AP4E1: variants seen among roughly 807,000 people sequenced by gnomAD.
The protein encoded by AP4E1 is AP-4 complex subunit epsilon-1.
Under a neutral mutation model 128.2 loss-of-function variants are expected in AP4E1, and 56 were observed. The ratio of observed to expected loss-of-function variants is 0.44; its 90% CI spans 0.35 to 0.55. The LOEUF is 0.55. Among genes scored for constraint, AP4E1 ranks in the 20% least tolerant of loss-of-function variants. AP4E1 has a pLI of 0.00. For missense variants in AP4E1, 1,324 were observed against 1,307.7 expected (o/e 1.01, Z -0.19); for synonymous variants, 484 against 473.1 (o/e 1.02, Z -0.30).
intron 6 of AP4E1, 116 bp from the exon 7 acceptor site, chr15:50,930,689 A>G: frequency 9.6e-7 from 1 of 1,043,362 alleles, no homozygotes; most frequent in Non-Finnish European, 1.5e-6. Context: ...CTGTTTCATT[A>G]AATGTGAACA....
intron 7 of AP4E1, among the ~76,000 whole-genome samples, chr15:50,932,398 A>T (rs544086124): frequency 5.9e-5 from 9 of 152,108 alleles, no homozygotes; most frequent in Non-Finnish European, 1.0e-4. Context: ...TATCATTCTC[A>T]TTCTCTGTGT....
chr15:50,981,906 A>G lies in AP4E1; in HGVS notation c.1967-2116A>G, dbSNP rs574099130. ...TTCGAGACCAGCCTGACCAACATGGAGAAACCACGTCTCTACTAAAAATAC... is the reference window on the plus strand; with the variant it reads ...TTCGAGACCAGCCTGACCAACATGGGGAAACCACGTCTCTACTAAAAATAC... On this transcript the variant is annotated intron_variant, in intron 15 of 20. Coordinates refer to ENST00000261842, the MANE Select transcript of AP4E1 (RefSeq NM_007347.5). 9.2e-5 allele frequency among the ~76,000 whole-genome samples: 14 copies of G among 152,058 alleles called. No individual in the cohort carries two copies. The East Asian group carries it at 2.5e-3, about 27-fold the overall frequency.
intron 14 of AP4E1, among the ~76,000 whole-genome samples, chr15:50,963,007 A>G (rs1213349111): frequency 6.6e-6 from 1 of 151,992 alleles, no homozygotes. Flanking sequence ...AATGCTCAAC[A>G]TTGCTAATCA....
In AP4E1 at chr15:50,924,908, TCTA is replaced by T. The variant is rs1207410895; in HGVS notation, c.421-187_421-185del. Among the ~76,000 whole-genome samples, 9 of 152,316 alleles carry T rather than the reference TCTA, an allele frequency of 5.9e-5. No individual in the cohort carries two copies. In the East Asian group the frequency reaches 1.7e-3, roughly 29 times the overall value. On this transcript the variant is annotated intron_variant, in intron 4 of 20. Transcript: ENST00000261842. ...ATCAGTTGCTTTTTGGCTTTATTTG[TCTA>T]CTGACTCTATTAAGGCAAATGAAAC...
chr15:50,962,402 A>C (rs1375454303), intron 14 of AP4E1, among the ~76,000 whole-genome samples: 1 of 152,132 alleles, frequency 6.6e-6, no homozygotes, highest in East Asian at 1.9e-4. Flanking sequence ...TATTGGTATA[A>C]AGAAAGACAT....
intron 1 of AP4E1, among the ~76,000 whole-genome samples, chr15:50,910,421 A>G (rs1172587743): frequency 6.6e-6 from 1 of 152,258 alleles, no homozygotes; most frequent in African/African-American, 2.4e-5. Flanking sequence ...TGTGTTAGAC[A>G]CAGGAAAATA....
intron 13 of AP4E1, among the ~76,000 whole-genome samples, chr15:50,953,205 A>T (rs1171975345): frequency 6.6e-6 from 1 of 152,258 alleles, no homozygotes; most frequent in East Asian, 1.9e-4. Context: ...AGTGTTGATT[A>T]TCCTTCCTGA....
rs1351241029 is a variant in AP4E1 at position 51,003,047 on chromosome 15, GGA to G, written c.*388_*389del. The G allele has an allele frequency of 2.3e-5, 5 of 215,096 alleles. No individual in the cohort carries two copies. The highest frequency in any genetic ancestry group is 1.2e-4 in the African/African-American group (5 of 42,536). 13.3% of individuals were successfully genotyped at this position (215,096 alleles called of 1,614,324 possible). On this transcript the variant is annotated 3_prime_UTR_variant, in exon 21 of 21. Coordinates refer to ENST00000261842, the MANE Select transcript of AP4E1 (RefSeq NM_007347.5). Reference sequence around the variant, plus strand: ...CTCAGTTTTCTGCATTAAATGGAAGGGAGACATGAAATTGATAATCTCAAACT... The same window carrying G: ...CTCAGTTTTCTGCATTAAATGGAAGGGACATGAAATTGATAATCTCAAACT...
intron 20 of AP4E1, among the ~76,000 whole-genome samples, chr15:51,002,192 C>A (rs1258260976): frequency 4.6e-5 from 7 of 152,062 alleles, no homozygotes; most frequent in Non-Finnish European, 1.0e-4. Context: ...AGATTTAATT[C>A]TTTGAGAAAC....
At chr15:50,968,826 A>T (rs547672500) in intron 15 of AP4E1, among the ~76,000 whole-genome samples, 15 of 138,766 alleles carry the variant, frequency 1.1e-4, no homozygotes, top group African/African-American at 3.9e-4. Flanking sequence ...TGGGGTTTCA[A>T]ACTTGGCCAG....
chr15:50,926,542 A>G (rs1377468578), intron 5 of AP4E1, among the ~76,000 whole-genome samples: 3 of 151,666 alleles, frequency 2.0e-5, no homozygotes, highest in Non-Finnish European at 4.4e-5. Context: ...TTTATTTTAC[A>G]TACTTTAAAT....
intron 16 of AP4E1, 43 bp from the exon 17 acceptor site, chr15:50,993,327 G>T: frequency 1.2e-6 from 2 of 1,605,444 alleles, no homozygotes; most frequent in Non-Finnish European, 1.7e-6. Context: ...GTAACTATTA[G>T]CAGTTATTTA....
At position 50,941,675 on chromosome 15, in the gene AP4E1, C is replaced by T; in HGVS notation, c.1076C>T (p.Ala359Val). The T allele has an allele frequency of 6.2e-7, 1 of 1,613,332 alleles. No homozygotes were observed. The highest frequency in any genetic ancestry group is 8.5e-7 in the Non-Finnish European group (1 of 1,179,456). Residue 359 changes from alanine (A) to valine (V), a missense_variant, in exon 10 of 21, where the codon GCT becomes GTT. Transcript: ENST00000261842. ...KINLKYLGLK[A>V]LTYVIQQDPT... ...GTGTCTTTGTTTCTAGGACTGAAGG[C>T]TCTTACCTATGTTATCCAACAGGAT...
rs1279091660 is a variant in AP4E1, at chr15:50,949,842, G to A, written c.1333G>A (p.Ala445Thr). 3 of 1,612,760 alleles carry A rather than the reference G, an allele frequency of 1.9e-6. No homozygotes were observed. Among genetic ancestry groups the A allele is most frequent in the African/African-American group, 2.7e-5 (2 of 74,886 alleles). The change falls in exon 12 of 21, where the codon GCA (alanine) becomes ACA (threonine). Residue 445 changes from alanine (A) to threonine (T), a missense_variant. Transcript: ENST00000261842. The stretch of plus-strand genomic sequence containing the variant: ...TGTGGACACATATGCTCCTGATAAT[G>A]CATGGTTTATTCAGACAATGAATGC... ...ELAEKYAPDN[A>T]WFIQTMNAVF...
chr15:50,922,164 A>C (rs980348634), intron 3 of AP4E1, among the ~76,000 whole-genome samples: 3 of 50,090 alleles, frequency 6.0e-5, no homozygotes, highest in East Asian at 1.9e-3. Flanking sequence ...CTATCTCTAC[A>C]AAAAAAAAAA....
At chr15:50,928,047 TTA>T (rs2063788925) in intron 5 of AP4E1, among the ~76,000 whole-genome samples, 3 of 152,190 alleles carry the variant, frequency 2.0e-5, no homozygotes, top group Admixed American at 2.0e-4. Context: ...GTGCTAGATG[TTA>T]TCTGCTACAG....
intron 11 of AP4E1, among the ~76,000 whole-genome samples, chr15:50,949,096 A>C (rs2064109062): frequency 6.6e-6 from 1 of 152,172 alleles, no homozygotes; most frequent in Admixed American, 6.5e-5. Context: ...TCTGGCCAGC[A>C]GAATGATAGA....
intron 16 of AP4E1, among the ~76,000 whole-genome samples, chr15:50,990,882 T>A (rs2064797037): frequency 6.6e-6 from 1 of 152,228 alleles, no homozygotes; most frequent in Non-Finnish European, 1.5e-5. Flanking sequence ...CATTCTGTGA[T>A]GGCATTTAGT....
chr15:50,919,196 C>T (rs914904549), intron 3 of AP4E1, among the ~76,000 whole-genome samples: 3 of 151,326 alleles, frequency 2.0e-5, no homozygotes, highest in Admixed American at 2.0e-4. Context: ...CGCCACTGCA[C>T]TCCAGCCTGG....
Sources: allele counts gnomAD v4.1 joint callset (sites outside exome capture counted in the v4.1 genomes callset), GRCh38; gene constraint gnomAD v4.1.1; transcripts MANE v1.5; gene names NCBI Gene and HGNC (gene_info 2026-07-23, HGNC 2026-07-21).